Variants in TACR3 observed in about 807,000 individuals in gnomAD.
TACR3 encodes tachykinin receptor 3, also known as neuromedin-K receptor.
TACR3 carries 34 observed loss-of-function variants against 35.0 expected under a neutral mutation model. The observed-to-expected ratio is 0.97, with a 90% CI of 0.74 to 1.30. The LOEUF is 1.30. Ranked by LOEUF, TACR3 falls within the 50% of genes most tolerant of loss-of-function variation. TACR3 has a pLI of 0.00. For synonymous variants in TACR3, 233 were observed against 221.1 expected (o/e 1.05, Z -0.48); for missense variants, 558 against 591.7 (o/e 0.94, Z 0.59).
At chr4:103,682,137 C>A (rs1305401070) in intron 1 of TACR3, among the ~76,000 whole-genome samples, 2 of 152,038 alleles carry the variant, frequency 1.3e-5, no homozygotes, top group African/African-American at 4.8e-5. Context: ...AAATTCTTGT[C>A]ATTATTATTT....
At chr4:103,665,262 T>TATATGTATATATGACTATGACTATTCAG in intron 1 of TACR3, among the ~76,000 whole-genome samples, 1 of 152,010 alleles carries the variant, frequency 6.6e-6, no homozygotes, top group African/African-American at 2.4e-5. Flanking sequence ...TGACTATTCA[T>TATATGTATATATGACTATGACTATTCAG]ATATGTATAT....
intron 1 of TACR3, among the ~76,000 whole-genome samples, chr4:103,690,031 G>C (rs1722364766): frequency 6.6e-6 from 1 of 152,070 alleles, no homozygotes; most frequent in South Asian, 2.1e-4. Context: ...TGAAAATAAT[G>C]AAATCCAAAA....
chr4:103,628,311 G>GAGAT (rs1176503806), intron 3 of TACR3, among the ~76,000 whole-genome samples: 4 of 152,112 alleles, frequency 2.6e-5, no homozygotes, highest in African/African-American at 7.2e-5. Flanking sequence ...AGACCTGAAG[G>GAGAT]AGATAGAGAC....
At chr4:103,651,828 C>A (rs1725624658) in intron 3 of TACR3, among the ~76,000 whole-genome samples, 1 of 151,600 alleles carries the variant, frequency 6.6e-6, no homozygotes, top group African/African-American at 2.4e-5. Context: ...GTGACTGGGT[C>A]CTTCCCTTCA....
At chr4:103,627,285 G>GTGA (rs1466046282) in intron 3 of TACR3, among the ~76,000 whole-genome samples, 1 of 147,538 alleles carries the variant, frequency 6.8e-6, no homozygotes, top group Admixed American at 6.8e-5. Flanking sequence ...AGAAGCCAGG[G>GTGA]TGATGGATCA....
At chr4:103,599,682 C>A in intron 3 of TACR3, among the ~76,000 whole-genome samples, 1 of 152,252 alleles carries the variant, frequency 6.6e-6, no homozygotes, top group South Asian at 2.1e-4. Flanking sequence ...TGAATTTTGT[C>A]AAAGGCCTTT....
intron 3 of TACR3, among the ~76,000 whole-genome samples, chr4:103,594,324 C>A (rs762388224): frequency 6.6e-6 from 1 of 151,878 alleles, no homozygotes; most frequent in Non-Finnish European, 1.5e-5. Context: ...ATTACAGGAG[C>A]GTGCCACCAC....
intron 3 of TACR3, among the ~76,000 whole-genome samples, chr4:103,615,432 G>A (rs1724631189): frequency 7.2e-6 from 1 of 139,520 alleles, no homozygotes; most frequent in Non-Finnish European, 1.6e-5. Flanking sequence ...AGAGAGAGAG[G>A]GAAATGGGTT....
intron 3 of TACR3, among the ~76,000 whole-genome samples, chr4:103,605,126 T>C (rs1463944258): frequency 3.3e-5 from 5 of 151,088 alleles, no homozygotes; most frequent in Non-Finnish European, 5.9e-5. Context: ...TGATTTCCAA[T>C]TTCATCCATG....
At chr4:103,618,740 TTTTA>T (rs1724714294) in intron 3 of TACR3, among the ~76,000 whole-genome samples, 1 of 152,068 alleles carries the variant, frequency 6.6e-6, no homozygotes, top group African/African-American at 2.4e-5. Context: ...ATGAGATGCT[TTTTA>T]TTTATTTGTG....
intron 1 of TACR3, among the ~76,000 whole-genome samples, chr4:103,670,679 T>C (rs1001963015): frequency 1.4e-4 from 22 of 152,044 alleles, no homozygotes; most frequent in African/African-American, 5.1e-4. Flanking sequence ...TCCAACTTTA[T>C]TGAACTCATT....
chr4:103,617,537 CTATTGTT>C (rs1205153479), intron 3 of TACR3, among the ~76,000 whole-genome samples: 2 of 152,074 alleles, frequency 1.3e-5, no homozygotes, highest in Non-Finnish European at 2.9e-5. Flanking sequence ...CAAAATCTTT[CTATTGTT>C]AAGTTCCCAT....
intron 3 of TACR3, among the ~76,000 whole-genome samples, chr4:103,593,962 T>C (rs777037335): frequency 6.6e-6 from 1 of 152,138 alleles, no homozygotes; most frequent in East Asian, 1.9e-4. Context: ...TAAAGGGTAC[T>C]CAGAAATTTT....
intron 1 of TACR3, among the ~76,000 whole-genome samples, chr4:103,718,691 G>A (rs1488087161): frequency 6.6e-6 from 1 of 152,122 alleles, no homozygotes; most frequent in Non-Finnish European, 1.5e-5. Flanking sequence ...GGGTGGAGGG[G>A]CGACTCATTT....
chr4:103,630,631 A>T (rs928248482), intron 3 of TACR3, among the ~76,000 whole-genome samples: 2 of 152,224 alleles, frequency 1.3e-5, no homozygotes, highest in African/African-American at 2.4e-5. Context: ...CCACAATGAG[A>T]TACCATCTCA....
intron 3 of TACR3, among the ~76,000 whole-genome samples, chr4:103,654,140 G>A (rs542907184): frequency 0.015 from 2,264 of 151,336 alleles, 57 homozygotes; most frequent in African/African-American, 0.053. Context: ...TCAGTGTGGC[G>A]ATTCCTCAGG....
intron 3 of TACR3, among the ~76,000 whole-genome samples, chr4:103,625,070 G>T (rs1271053022): frequency 3.9e-5 from 6 of 152,096 alleles, no homozygotes; most frequent in Non-Finnish European, 7.4e-5. Context: ...CAGAAGAAAT[G>T]TTGAAAGGAA....
intron 1 of TACR3, among the ~76,000 whole-genome samples, chr4:103,701,545 A>T (rs1260923165): frequency 6.6e-6 from 1 of 152,208 alleles, no homozygotes; most frequent in African/African-American, 2.4e-5. Context: ...ATTGGAATAA[A>T]CTACTTTATA....
intron 1 of TACR3, among the ~76,000 whole-genome samples, chr4:103,697,493 C>T (rs1488552613): frequency 1.3e-5 from 2 of 151,828 alleles, no homozygotes; most frequent in Non-Finnish European, 2.9e-5. Context: ...GGCGCCATCT[C>T]GGTTCACTGC....
Sources: gnomAD v4.1 joint callset for allele counts (sites outside exome capture counted in the v4.1 genomes callset) on GRCh38, gnomAD v4.1.1 for gene constraint, MANE v1.5 for transcripts, NCBI Gene and HGNC (gene_info 2026-07-23, HGNC 2026-07-21) for gene names.